The following GRIA1 variants were observed in gnomAD, a reference collection of about 807,000 sequenced individuals.
GRIA1 encodes glutamate ionotropic receptor AMPA type subunit 1.
A neutral mutation model predicts 99.2 loss-of-function variants in GRIA1; 31 were observed. The ratio of observed to expected loss-of-function variants is 0.31; its 90% CI spans 0.23 to 0.42. The LOEUF (loss-of-function observed/expected upper bound fraction) is 0.42, where lower values mean the gene tolerates loss of function less well. GRIA1 is among the 10% of genes least tolerant of loss of function. The probability of loss-of-function intolerance (pLI) is 1.00; values close to 1 mark genes in which losing one functional copy is unlikely to be tolerated. For missense variants in GRIA1, 782 were observed against 1,157.5 expected, an observed-to-expected ratio of 0.68 and a Z score of 4.71; for synonymous variants, 438 against 432.4, an observed-to-expected ratio of 1.01 and a Z score of -0.16.
chr5:153,779,763 T>C (rs936526674), intron 13 of GRIA1, among the ~76,000 whole-genome samples: 3 of 152,132 alleles, frequency 2.0e-5, no homozygotes, highest in East Asian at 3.9e-4. Flanking sequence ...GATTTCACCA[T>C]GTTAGCCAGG....
At chr5:153,570,792 C>T (rs914827687) in intron 2 of GRIA1, among the ~76,000 whole-genome samples, 2 of 152,098 alleles carry the variant, frequency 1.3e-5, no homozygotes, top group Non-Finnish European at 2.9e-5. Flanking sequence ...AGCTCAATGC[C>T]TGGCACATAG....
chr5:153,697,574 TA>T (rs1758204012), intron 8 of GRIA1, among the ~76,000 whole-genome samples: 3 of 152,186 alleles, frequency 2.0e-5, no homozygotes, highest in African/African-American at 7.2e-5. Flanking sequence ...AAGTTAAATC[TA>T]GATGGAAAAA....
chr5:153,670,817 C>G (rs1025529368), intron 5 of GRIA1, among the ~76,000 whole-genome samples: 3 of 152,110 alleles, frequency 2.0e-5, no homozygotes, highest in Non-Finnish European at 4.4e-5. Context: ...TTTCCCCCTT[C>G]TTAGTCAAGA....
intron 14 of GRIA1, among the ~76,000 whole-genome samples, chr5:153,798,336 G>A (rs1378851338): frequency 6.6e-6 from 1 of 152,126 alleles, no homozygotes; most frequent in African/African-American, 2.4e-5. Context: ...TTTTGAGAAA[G>A]CACAAAAGAA....
chr5:153,524,053 C>T lies in GRIA1; in HGVS notation c.220+29988C>T, dbSNP rs564417102. Among the ~76,000 whole-genome samples the T allele has an allele frequency of 3.5e-4, 54 of 152,312 alleles. 1 individual carries two copies. The highest frequency in any genetic ancestry group is 5.0e-4 in the Non-Finnish European group (34 of 68,022). ...TCAGAATTCCTGGCACAGGGCCAGG[C>T]GCAGTGGCTCACGCCTGTAATCCCA... is the stretch of plus-strand genomic sequence containing the variant. On this transcript the variant is annotated intron_variant, in intron 2 of 15. Transcript: ENST00000285900.
At chr5:153,617,171 G>A (rs1178087557) in intron 2 of GRIA1, among the ~76,000 whole-genome samples, 1 of 151,952 alleles carries the variant, frequency 6.6e-6, no homozygotes, top group Non-Finnish European at 1.5e-5. Flanking sequence ...GATATTCAGG[G>A]ATGAGAGTGA....
At chr5:153,725,250 C>T (rs956670384) in intron 11 of GRIA1, among the ~76,000 whole-genome samples, 1 of 151,600 alleles carries the variant, frequency 6.6e-6, no homozygotes, top group Non-Finnish European at 1.5e-5. Context: ...GAAGGAAGCA[C>T]TAAACATGGA....
intron 2 of GRIA1, among the ~76,000 whole-genome samples, chr5:153,522,195 T>C (rs1757212936): frequency 6.6e-6 from 1 of 152,270 alleles, no homozygotes; most frequent in South Asian, 2.1e-4. Flanking sequence ...AAGTGCCATA[T>C]CCTATTTGTG....
At chr5:153,768,970 T>C (rs1763701745) in intron 12 of GRIA1, among the ~76,000 whole-genome samples, 1 of 152,198 alleles carries the variant, frequency 6.6e-6, no homozygotes, top group Non-Finnish European at 1.5e-5. Flanking sequence ...AGTTTGATCA[T>C]GGTCCTGGAT....
chr5:153,769,049 G>A (rs62383411), intron 12 of GRIA1, among the ~76,000 whole-genome samples: 8,006 of 152,284 alleles, frequency 0.053, 235 homozygotes, highest in Middle Eastern at 0.13. Context: ...ACCCACAGGA[G>A]GGAAGACATT....
At chr5:153,582,507 T>C (rs1303550473) in intron 2 of GRIA1, among the ~76,000 whole-genome samples, 1 of 152,172 alleles carries the variant, frequency 6.6e-6, no homozygotes, top group Non-Finnish European at 1.5e-5. Flanking sequence ...AGAGGATAGA[T>C]GTCTCAGCAC....
At chr5:153,673,528 A>G (rs1014837429) in intron 5 of GRIA1, among the ~76,000 whole-genome samples, 1 of 152,202 alleles carries the variant, frequency 6.6e-6, no homozygotes, top group African/African-American at 2.4e-5. Flanking sequence ...GAAATGATTA[A>G]TCAGTGAATA....
At chr5:153,553,043 G>T (rs1054291763) in intron 2 of GRIA1, among the ~76,000 whole-genome samples, 1 of 152,208 alleles carries the variant, frequency 6.6e-6, no homozygotes. Context: ...AGGATTACAG[G>T]CATGAGTCAC....
intron 13 of GRIA1, among the ~76,000 whole-genome samples, chr5:153,789,994 C>G (rs1170191058): frequency 6.6e-6 from 1 of 152,014 alleles, no homozygotes; most frequent in Non-Finnish European, 1.5e-5. Flanking sequence ...TTCTATTATC[C>G]CATTTGACAG....
rs1354575406 is a variant in GRIA1, at chr5:153,705,839, T to A, written c.1595T>A (p.Leu532His). 1 of 1,614,090 alleles carries A rather than the reference T, an allele frequency of 6.2e-7. No individual in the cohort carries two copies. Among genetic ancestry groups the A allele is most frequent in the Non-Finnish European group, 8.5e-7 (1 of 1,180,016 alleles). ...QKSKPGVFSF[L>H]DPLAYEIWMC... is the part of the protein sequence containing the mutation. ...TCCAAGCCGGGTGTCTTCTCCTTCC[T>A]TGATCCTTTGGCTTATGAGATTTGG... Residue 532 changes from leucine (L) to histidine (H), a missense_variant, in exon 11 of 16, where the codon CTT becomes CAT. Leu to His is a moderately conservative substitution (Grantham distance 99). Around this residue, in one of 5 missense-constraint regions of GRIA1, gnomAD observed 87 missense variants for 184.5 expected, o/e 0.47. Transcript: ENST00000285900.
intron 11 of GRIA1, among the ~76,000 whole-genome samples, chr5:153,748,974 C>G (rs904383606): frequency 2.6e-5 from 4 of 151,862 alleles, no homozygotes; most frequent in African/African-American, 9.7e-5. Flanking sequence ...GCCATGTGTC[C>G]GGAGGAGATC....
At chr5:153,609,865 C>T (rs1765825711) in intron 2 of GRIA1, among the ~76,000 whole-genome samples, 1 of 152,042 alleles carries the variant, frequency 6.6e-6, no homozygotes, top group South Asian at 2.1e-4. Context: ...CCAGCCCAGA[C>T]TCTTTTCTTA....
intron 2 of GRIA1, among the ~76,000 whole-genome samples, chr5:153,529,170 C>T (rs997041304): frequency 3.3e-5 from 5 of 152,214 alleles, no homozygotes; most frequent in Non-Finnish European, 7.3e-5. Context: ...AAGAGGCTAT[C>T]TGTGCTTGCG....
chr5:153,582,302 T>G (rs1343387031), intron 2 of GRIA1, among the ~76,000 whole-genome samples: 3 of 152,146 alleles, frequency 2.0e-5, no homozygotes, highest in Admixed American at 1.3e-4. Flanking sequence ...GGTTTTAGGG[T>G]AATGTTCATG....
Sources: allele counts gnomAD v4.1 joint callset (sites outside exome capture counted in the v4.1 genomes callset), GRCh38; gene constraint gnomAD v4.1.1; regional missense constraint gnomAD v4.1.1; transcripts MANE v1.5; gene names NCBI Gene and HGNC (gene_info 2026-07-23, HGNC 2026-07-21).